The following RNPEP variants were observed in gnomAD, a reference collection of about 807,000 sequenced individuals.
RNPEP encodes arginyl aminopeptidase.
Under a neutral mutation model 70.1 loss-of-function variants are expected in RNPEP, and 57 were observed. That is an observed-to-expected ratio of 0.81 (90% CI 0.66 to 1.01). RNPEP has a LOEUF of 1.01. Among genes scored for constraint, RNPEP ranks in the 50% least tolerant of loss-of-function variants. The probability of loss-of-function intolerance (pLI) is 0.00; values close to 1 mark genes in which losing one functional copy is unlikely to be tolerated. For missense variants in RNPEP, 787 were observed against 852.4 expected (o/e 0.92, Z 0.96); for synonymous variants, 335 against 357.4 (o/e 0.94, Z 0.71).
intron 6 of RNPEP, 89 bp from the exon 7 acceptor site, chr1:202,001,287 T>A (rs1169650893): frequency 1.8e-5 from 16 of 884,666 alleles, no homozygotes; most frequent in African/African-American, 3.3e-5. Context: ...ATCTCTTCCA[T>A]CGCTAGTCTT....
chr1:201,995,840 AT>A, intron 3 of RNPEP: 1 of 300,810 alleles, frequency 3.3e-6, no homozygotes, highest in Non-Finnish European at 6.2e-6. Context: ...ATCTTCACTC[AT>A]TTTACAGATG....
intron 3 of RNPEP, chr1:201,995,611 C>T (rs1287669891): frequency 6.6e-6 from 1 of 152,442 alleles, no homozygotes; most frequent in Non-Finnish European, 1.5e-5. Flanking sequence ...CACTTGAGCC[C>T]CAGGAGGTGG....
chr1:202,004,226 C>T (rs1683957342), intron 9 of RNPEP, 128 bp from the exon 10 acceptor site: 1 of 989,460 alleles, frequency 1.0e-6, no homozygotes, highest in East Asian at 2.6e-5. Context: ...TGGGGTTTCG[C>T]CATATTGGCC....
intron 6 of RNPEP, 112 bp downstream of exon 6, chr1:202,000,127 G>A: frequency 2.5e-6 from 2 of 785,322 alleles, no homozygotes; most frequent in Middle Eastern, 2.6e-4. Context: ...TATTTGGAGG[G>A]AGGGGCACTC....
rs1558258055 is a variant in RNPEP, at chr1:201,984,836, T to TTTC, written c.447+1725_447+1726insCTT. ...GTATTTCTTTCTTTTTTTTTTTTTT[T>TTTC]TTTTTTTTTTTTTTTTTTTTTGAGA... On this transcript the variant is annotated intron_variant, in intron 1 of 10. Coordinates refer to ENST00000295640, the MANE Select transcript of RNPEP (RefSeq NM_020216.4). Among the ~76,000 whole-genome samples the TTTC allele has an allele frequency of 5.3e-5, 6 of 114,218 alleles. No homozygotes were observed. In the East Asian group the frequency reaches 1.7e-3, roughly 31 times the overall value. 74.9% of individuals were successfully genotyped at this position (114,218 alleles called of 152,430 possible).
intron 10 of RNPEP, 128 bp downstream of exon 10, chr1:202,004,624 A>AG: frequency 8.9e-7 from 1 of 1,128,972 alleles, no homozygotes; most frequent in Non-Finnish European, 1.3e-6. Flanking sequence ...AAATGACCTG[A>AG]GGACCCTACC....
intron 1 of RNPEP, among the ~76,000 whole-genome samples, chr1:201,984,149 C>T (rs1461131695): frequency 1.3e-5 from 2 of 152,158 alleles, no homozygotes; most frequent in Non-Finnish European, 1.5e-5. Context: ...TCAGGCTGGT[C>T]TCGAACTCCT....
intron 5 of RNPEP, 78 bp from the exon 6 acceptor site, chr1:201,999,824 A>G: frequency 8.9e-7 from 1 of 1,121,500 alleles, no homozygotes; most frequent in Non-Finnish European, 1.3e-6. Context: ...AGGAGGCAGC[A>G]CAGTGTCTCT....
Position 201,983,066 on chromosome 1 carries a change from G to A in RNPEP, c.400G>A (p.Glu134Lys). The change falls in exon 1 of 11, where the codon GAG becomes AAG. Residue 134 changes from glutamate (E) to lysine (K), a missense_variant. By Grantham distance (56) the Glu-to-Lys change is moderately conservative. Coordinates refer to ENST00000295640, the MANE Select transcript of RNPEP (RefSeq NM_020216.4). ...VSFPQPCRAAERLQVLLTYRV... is the reference protein window; with the variant it reads ...VSFPQPCRAAKRLQVLLTYRV... ...CTTCCCGCAGCCCTGCCGCGCCGCC[G>A]AGCGCCTCCAGGTGCTGCTCACCTA... 1 of 1,524,540 alleles carries A rather than the reference G, an allele frequency of 6.6e-7. No individual in the cohort carries two copies. Among genetic ancestry groups the A allele is most frequent in the Non-Finnish European group, 8.8e-7 (1 of 1,141,768 alleles). 94.4% of individuals were successfully genotyped at this position (1,524,540 alleles called of 1,614,324 possible). A position where few individuals can be genotyped will look rare whatever the true frequency, so the allele number is the denominator to read the frequency against.
At chr1:201,991,528 C>T (rs1683335642) in intron 3 of RNPEP, among the ~76,000 whole-genome samples, 1 of 152,120 alleles carries the variant, frequency 6.6e-6, no homozygotes, top group African/African-American at 2.4e-5. Context: ...CCCAGTAGGC[C>T]CTTTTATGTA....
At position 201,989,534 on chromosome 1, in the gene RNPEP, A is replaced by G; in HGVS notation, c.737+3A>G. 1 of 1,614,104 alleles carries G rather than the reference A, an allele frequency of 6.2e-7. No individual in the cohort carries two copies. The highest frequency in any genetic ancestry group is 8.5e-7 in the Non-Finnish European group (1 of 1,180,002). On this transcript the variant is annotated splice_donor_region_variant and intron_variant, in intron 3 of 10. Transcript: ENST00000295640. ...GTTTCGGCTGAAGTTGGACCCAGGT[A>G]GGAGACAAAGACCCCACAGGCAAGG...
chr1:201,982,764 C>T lies in RNPEP; in HGVS notation c.98C>T (p.Ala33Val), dbSNP rs1682980969. ...VDVASASNFR[A>V]FELLHLHLDL... ...GTGGCCTCGGCCTCCAACTTCCGGG[C>T]CTTTGAGCTGCTGCACTTGCACCTG... Residue 33 changes from alanine (A) to valine (V), a missense_variant, in exon 1 of 11, where the codon GCC (alanine) becomes GTC (valine). Coordinates refer to ENST00000295640, the MANE Select transcript of RNPEP (RefSeq NM_020216.4). 22 of 1,363,534 alleles carry T rather than the reference C, an allele frequency of 1.6e-5. No homozygotes were observed. Among genetic ancestry groups the T allele is most frequent in the Non-Finnish European group, 2.0e-5 (21 of 1,057,100 alleles). 84.5% of individuals were successfully genotyped at this position (1,363,534 alleles called of 1,614,324 possible).
intron 8 of RNPEP, 35 bp downstream of exon 8, chr1:202,001,802 A>G (rs368368443): frequency 5.5e-5 from 68 of 1,234,016 alleles, no homozygotes; most frequent in Non-Finnish European, 7.4e-5. Flanking sequence ...GCTTCTAAAA[A>G]ATAGTAGAGA....
chr1:201,993,770 C>T (rs1235376916), intron 3 of RNPEP, among the ~76,000 whole-genome samples: 1 of 152,188 alleles, frequency 6.6e-6, no homozygotes, highest in Non-Finnish European at 1.5e-5. Context: ...CAGAGCAAGA[C>T]TCCGTCTCAA....
At position 201,999,940 on chromosome 1, in the gene RNPEP, G is replaced by C; in HGVS notation, c.1129G>C (p.Ala377Pro). 6.2e-7 allele frequency: 1 copy of C among 1,613,818 alleles called. No individual in the cohort carries two copies. The highest frequency in any genetic ancestry group is 8.5e-7 in the Non-Finnish European group (1 of 1,179,870). The change falls in exon 6 of 11, where the codon GCT (alanine) becomes CCT (proline). Residue 377 changes from alanine to proline, a missense_variant. Coordinates refer to ENST00000295640, the MANE Select transcript of RNPEP (RefSeq NM_020216.4). Reference protein sequence around the residue: ...YTCLEAATGRALLRQHMDITG... With the variant: ...YTCLEAATGRPLLRQHMDITG... Reference sequence around the variant, plus strand: ...CTGCTTGGAGGCTGCAACGGGGCGGGCTCTGCTGCGTCAGCACATGGACAT... The same window carrying C: ...CTGCTTGGAGGCTGCAACGGGGCGGCCTCTGCTGCGTCAGCACATGGACAT...
chr1:202,002,006 C>T (rs549113917), intron 8 of RNPEP, among the ~76,000 whole-genome samples: 1 of 152,282 alleles, frequency 6.6e-6, no homozygotes, highest in Non-Finnish European at 1.5e-5. Flanking sequence ...CCTGGACACA[C>T]AGTCAGACCC....
intron 1 of RNPEP, chr1:201,983,824 G>T: frequency 9.5e-7 from 1 of 1,050,734 alleles, no homozygotes; most frequent in Non-Finnish European, 1.2e-6. Flanking sequence ...GCTTATGTCT[G>T]TAAGAGTCAG....
chr1:202,002,592 T>C (rs73074447), intron 8 of RNPEP, among the ~76,000 whole-genome samples: 1,809 of 152,332 alleles, frequency 0.012, 38 homozygotes, highest in African/African-American at 0.041. Context: ...TATTGTTGGT[T>C]TGATGAAGTC....
Position 201,988,457 on chromosome 1 carries a change from C to CAAA in RNPEP, c.448-423_448-421dup, listed in dbSNP as rs142459545. ...TGGGCGACAGAGCGATACTCTGTCT[C>CAAA]AAAAAAAAAAAAAAAAAAAAAAAAA... On this transcript the variant is annotated intron_variant, in intron 1 of 10. Transcript: ENST00000295640. 1.9e-3 allele frequency among the ~76,000 whole-genome samples: 212 copies of CAAA among 114,356 alleles called. 3 individuals carry two copies. The highest frequency in any genetic ancestry group is 8.5e-3 in the South Asian group (30 of 3,548). 75.0% of individuals were successfully genotyped at this position (114,356 alleles called of 152,430 possible).
Sources: allele counts gnomAD v4.1 joint callset (sites outside exome capture counted in the v4.1 genomes callset), GRCh38; gene constraint gnomAD v4.1.1; transcripts MANE v1.5; gene names NCBI Gene and HGNC (gene_info 2026-07-23, HGNC 2026-07-21).